Variants in EDA observed in about 807,000 individuals in gnomAD.
EDA encodes the protein ectodysplasin-A.
Under a neutral mutation model 23.6 loss-of-function variants are expected in EDA, and 2 were observed. That is an observed-to-expected ratio of 0.08 (90% CI 0.03 to 0.27). The LOEUF is 0.27. Ranked by LOEUF, EDA falls within the 10% of genes least tolerant of loss-of-function variation. The pLI is 1.00. For synonymous variants in EDA, 131 were observed against 132.0 expected (o/e 0.99, Z 0.05); for missense variants, 229 against 324.2 (o/e 0.71, Z 2.26).
chrX:69,629,228 A>G (rs1408572745), intron 1 of EDA, among the ~76,000 whole-genome samples: 1 of 111,495 alleles, frequency 9.0e-6, no homozygotes, highest in African/African-American at 3.3e-5. Context: ...TTGTTTGTTT[A>G]CCTGTTCCCC....
intron 1 of EDA, among the ~76,000 whole-genome samples, chrX:69,826,120 T>C (rs1176444528): frequency 9.0e-6 from 1 of 111,073 alleles, no homozygotes; most frequent in African/African-American, 3.3e-5. Context: ...TACTTCCAAG[T>C]ATGTGGTCAA....
chrX:69,940,837 T>C (rs1215203205), intron 1 of EDA, among the ~76,000 whole-genome samples: 1 of 111,846 alleles, frequency 8.9e-6, no homozygotes, highest in East Asian at 2.8e-4. Context: ...TAAATGCAAT[T>C]CTAGTTCTTT....
intron 1 of EDA, among the ~76,000 whole-genome samples, chrX:69,933,854 C>T (rs2018635262): frequency 8.9e-6 from 1 of 111,980 alleles, no homozygotes; most frequent in Non-Finnish European, 1.9e-5. Flanking sequence ...TGTTATCAGA[C>T]TCAACTGATA....
rs867605206 is a variant in EDA, at chrX:69,983,618, G to T, written c.502+26486G>T. ...TCTTCTGGCTTGTAGGGTTTCTGCC[G>T]AGAGATCCGCTGTTAGTCTGATGGG... On this transcript the variant is annotated intron_variant, in intron 2 of 7. Coordinates refer to ENST00000374552, the MANE Select transcript of EDA (RefSeq NM_001399.5). Among the ~76,000 whole-genome samples the T allele has an allele frequency of 3.2e-3, 149 of 46,935 alleles. 2 individuals carry two copies. The highest frequency in any genetic ancestry group is 0.013 in the African/African-American group (137 of 10,777). 40.8% of individuals were successfully genotyped at this position (46,935 alleles called of 115,157 possible). A position where few individuals can be genotyped will look rare whatever the true frequency, so the allele number is the denominator to read the frequency against.
At chrX:69,863,617 ATGTG>A (rs1195137089) in intron 1 of EDA, among the ~76,000 whole-genome samples, 1 of 78,826 alleles carries the variant, frequency 1.3e-5, no homozygotes, top group Non-Finnish European at 2.5e-5. Context: ...GTGTGTATAT[ATGTG>A]TGTATTTATG....
At chrX:69,980,990 G>A (rs987962224) in intron 2 of EDA, among the ~76,000 whole-genome samples, 13 of 112,228 alleles carry the variant, frequency 1.2e-4, no homozygotes, top group African/African-American at 4.2e-4. Context: ...TTTCTGTAGA[G>A]CTACTTGACT....
chrX:69,829,637 G>T (rs2016557500), intron 1 of EDA, among the ~76,000 whole-genome samples: 2 of 111,694 alleles, frequency 1.8e-5, no homozygotes, highest in Non-Finnish European at 3.8e-5. Flanking sequence ...TAACTGATAG[G>T]ATCAGAAATG....
chrX:69,801,118 A>C (rs1211861324), intron 1 of EDA, among the ~76,000 whole-genome samples: 1 of 112,150 alleles, frequency 8.9e-6, no homozygotes, highest in Non-Finnish European at 1.9e-5. Flanking sequence ...AAAGAGCATC[A>C]AGGCAACACT....
At chrX:69,914,052 A>G (rs1359229204) in intron 1 of EDA, among the ~76,000 whole-genome samples, 2 of 112,264 alleles carry the variant, frequency 1.8e-5, no homozygotes, top group African/African-American at 6.5e-5. Flanking sequence ...TATAACAGAT[A>G]TCATAATTAT....
At chrX:69,670,996 G>C (rs778902958) in intron 1 of EDA, among the ~76,000 whole-genome samples, 2 of 110,874 alleles carry the variant, frequency 1.8e-5, no homozygotes, top group East Asian at 5.7e-4. Flanking sequence ...CATGTTTTTT[G>C]TGTGTGTCCC....
At chrX:69,974,102 C>T (rs2019284943) in intron 2 of EDA, among the ~76,000 whole-genome samples, 1 of 107,003 alleles carries the variant, frequency 9.3e-6, no homozygotes, top group African/African-American at 3.4e-5. Flanking sequence ...TGAATGAACA[C>T]AGGATTCAGG....
chrX:69,942,048 T>G (rs2018766116), intron 1 of EDA, among the ~76,000 whole-genome samples: 1 of 111,892 alleles, frequency 8.9e-6, no homozygotes, highest in East Asian at 2.8e-4. Flanking sequence ...ACAAACAAAC[T>G]AACAAGCAAA....
At chrX:70,034,775 C>T (rs2020242001) in intron 7 of EDA, among the ~76,000 whole-genome samples, 1 of 111,511 alleles carries the variant, frequency 9.0e-6, no homozygotes, top group Non-Finnish European at 1.9e-5. Context: ...GGACCTGTTT[C>T]CTCAATCATC....
intron 1 of EDA, among the ~76,000 whole-genome samples, chrX:69,812,593 A>G (rs1281278734): frequency 8.9e-6 from 1 of 112,257 alleles, no homozygotes; most frequent in African/African-American, 3.2e-5. Context: ...AAGAGCTCAC[A>G]GTCTGGTGGG....
intron 1 of EDA, among the ~76,000 whole-genome samples, chrX:69,725,907 A>G (rs1602339317): frequency 8.9e-6 from 1 of 112,451 alleles, no homozygotes; most frequent in East Asian, 2.8e-4. Flanking sequence ...GGTGAGCCTA[A>G]TAGTCTGTGC....
chrX:69,700,063 A>G (rs1324521294), intron 1 of EDA, among the ~76,000 whole-genome samples: 1 of 110,811 alleles, frequency 9.0e-6, no homozygotes, highest in African/African-American at 3.3e-5. Flanking sequence ...TAGGTGACTG[A>G]GGGGGTGCAT....
At chrX:69,795,486 A>T (rs1301841731) in intron 1 of EDA, among the ~76,000 whole-genome samples, 1 of 113,064 alleles carries the variant, frequency 8.8e-6, no homozygotes. Context: ...GTCTATTTTA[A>T]ATAAAAACTT....
intron 1 of EDA, among the ~76,000 whole-genome samples, chrX:69,923,731 C>T (rs1170186116): frequency 9.0e-6 from 1 of 111,348 alleles, no homozygotes; most frequent in Non-Finnish European, 1.9e-5. Context: ...GTTCTAGATC[C>T]TTGAGGAACT....
chrX:69,753,955 C>G (rs1333194240), intron 1 of EDA, among the ~76,000 whole-genome samples: 1 of 110,259 alleles, frequency 9.1e-6, no homozygotes, highest in African/African-American at 3.3e-5. Flanking sequence ...TATTTTGAGC[C>G]TATGTGTGTT....
Sources: allele counts gnomAD v4.1 joint callset (sites outside exome capture counted in the v4.1 genomes callset), GRCh38; gene constraint gnomAD v4.1.1; transcripts MANE v1.5; gene names NCBI Gene and HGNC (gene_info 2026-07-23, HGNC 2026-07-21).